The following LRBA variants were observed in gnomAD, a reference collection of about 807,000 sequenced individuals.
LRBA encodes the protein lipopolysaccharide-responsive and beige-like anchor protein.
LRBA carries 176 observed loss-of-function variants against 330.0 expected under a neutral mutation model. That is an observed-to-expected ratio of 0.53 (90% confidence interval 0.47 to 0.60). The LOEUF (loss-of-function observed/expected upper bound fraction) is 0.60, where lower values mean the gene tolerates loss of function less well. LRBA is among the 20% of genes least tolerant of loss of function. The pLI is 0.00. For missense variants in LRBA, 3,259 were observed against 3,444.8 expected, an observed-to-expected ratio of 0.95 and a Z score of 1.35; for synonymous variants, 1,230 against 1,193.0, an observed-to-expected ratio of 1.03 and a Z score of -0.64.
At chr4:150,505,393 G>A (rs558166979) in intron 40 of LRBA, among the ~76,000 whole-genome samples, 9 of 152,276 alleles carry the variant, frequency 5.9e-5, no homozygotes, top group African/African-American at 2.2e-4. Context: ...TCAGACCACA[G>A]TGCAATCAAA....
At chr4:150,693,904 T>G (rs1784380062) in intron 36 of LRBA, among the ~76,000 whole-genome samples, 1 of 152,146 alleles carries the variant, frequency 6.6e-6, no homozygotes, top group South Asian at 2.1e-4. Flanking sequence ...AAAAATAAAC[T>G]ACACACAATT....
chr4:150,897,398 T>C (rs1730207901), intron 15 of LRBA, among the ~76,000 whole-genome samples: 2 of 152,050 alleles, frequency 1.3e-5, no homozygotes, highest in African/African-American at 4.8e-5. Context: ...AATCTGAATG[T>C]CAGTTACAAG....
At chr4:150,701,389 A>G (rs1441469984) in intron 36 of LRBA, among the ~76,000 whole-genome samples, 1 of 152,226 alleles carries the variant, frequency 6.6e-6, no homozygotes, top group African/African-American at 2.4e-5. Context: ...GTCGTTTAAT[A>G]TCATTACCAA....
At chr4:150,582,897 G>GA (rs1223369816) in intron 40 of LRBA, 2 of 1,103,212 alleles carry the variant, frequency 1.8e-6, no homozygotes, top group African/African-American at 1.6e-5. Flanking sequence ...GGTGGAAAAC[G>GA]AGAGTGAAAG....
intron 13 of LRBA, 150 bp from the exon 14 acceptor site, chr4:150,900,367 T>A: frequency 2.0e-6 from 1 of 499,676 alleles, no homozygotes; most frequent in Non-Finnish European, 3.5e-6. Context: ...CAACACATAC[T>A]CACTGACACA....
Position 150,444,009 on chromosome 4 carries a change from G to A in LRBA, c.6781-7145C>T, listed in dbSNP as rs915918536. 2.7e-5 allele frequency among the ~76,000 whole-genome samples: 4 copies of A among 150,574 alleles called. No individual in the cohort carries two copies. The South Asian group carries it at 8.4e-4, about 32-fold the overall frequency. On this transcript the variant is annotated intron_variant, in intron 44 of 56. Coordinates refer to ENST00000651943, the MANE Select transcript of LRBA (RefSeq NM_001364905.1). ...CTTTCATGGGAGCTTTAGATTAAAT[G>A]CTCTTTTGAAAAAATACTATTAAAG...
chr4:150,444,753 G>T (rs910947363), intron 44 of LRBA, among the ~76,000 whole-genome samples: 1 of 152,050 alleles, frequency 6.6e-6, no homozygotes, highest in Non-Finnish European at 1.5e-5. Flanking sequence ...ACACCATTTC[G>T]ATTTAACAAA....
At position 150,870,522 on chromosome 4, in the gene LRBA, T is replaced by G; in HGVS notation, c.2449+3A>C. Reference sequence around the variant, plus strand: ...TTTTTGTTAAAGTATATAAAATACATACGAGGGTTTTGTATCTTCACTGAA... The same window carrying G: ...TTTTTGTTAAAGTATATAAAATACAGACGAGGGTTTTGTATCTTCACTGAA... On this transcript the variant is annotated splice_donor_region_variant and intron_variant, in intron 20 of 56. Coordinates refer to ENST00000651943, the MANE Select transcript of LRBA (RefSeq NM_001364905.1). 3 of 1,529,504 alleles carry G rather than the reference T, an allele frequency of 2.0e-6. No individual in the cohort carries two copies. The highest frequency in any genetic ancestry group is 2.7e-6 in the Non-Finnish European group (3 of 1,104,158). The allele number at this position is 1,529,504 out of a possible 1,614,324, so 94.7% of individuals were successfully genotyped here. A position where few individuals can be genotyped will look rare whatever the true frequency, so the allele number is the denominator to read the frequency against.
Position 150,287,325 on chromosome 4 carries a change from C to A in LRBA, c.8018-1291G>T, listed in dbSNP as rs1748261521. 2.0e-5 allele frequency among the ~76,000 whole-genome samples: 3 copies of A among 152,324 alleles called. No homozygotes were observed. In the South Asian group the frequency reaches 6.2e-4, roughly 32 times the overall value. On this transcript the variant is annotated intron_variant, in intron 53 of 56. Transcript: ENST00000651943. The stretch of plus-strand genomic sequence containing the variant: ...CCGGCTTCCAAAGCAAGGGTTCTTC[C>A]AGTAGGTCACTGGGTTATTTGAAAT...
intron 42 of LRBA, among the ~76,000 whole-genome samples, chr4:150,480,269 T>C (rs1474875858): frequency 6.6e-6 from 1 of 152,150 alleles, no homozygotes; most frequent in Non-Finnish European, 1.5e-5. Flanking sequence ...TATTTTGCCA[T>C]TTTAACATTT....
chr4:150,683,454 T>G, intron 37 of LRBA, 97 bp downstream of exon 37: 1 of 929,938 alleles, frequency 1.1e-6, no homozygotes, highest in African/African-American at 1.6e-5. Context: ...TAAATTACTC[T>G]CTTCTTCATC....
intron 40 of LRBA, among the ~76,000 whole-genome samples, chr4:150,525,243 A>T (rs4696475): frequency 0.6 from 91,364 of 151,762 alleles, 30,965 homozygotes; most frequent in Non-Finnish European, 0.75. Context: ...ATATTATTTT[A>T]TGCTGTTCCT....
At chr4:150,747,430 C>A (rs574937784) in intron 35 of LRBA, among the ~76,000 whole-genome samples, 2 of 152,280 alleles carry the variant, frequency 1.3e-5, no homozygotes, top group African/African-American at 4.8e-5. Flanking sequence ...TTTATCTTTA[C>A]ACAACCAAAG....
chr4:150,545,086 A>G (rs184776264), intron 40 of LRBA, among the ~76,000 whole-genome samples: 2 of 152,324 alleles, frequency 1.3e-5, no homozygotes, highest in Admixed American at 6.5e-5. Context: ...CACAAACCTT[A>G]AAGAGCTGGG....
chr4:150,701,059 T>C (rs1281957496), intron 36 of LRBA, among the ~76,000 whole-genome samples: 1 of 152,224 alleles, frequency 6.6e-6, no homozygotes, highest in Non-Finnish European at 1.5e-5. Flanking sequence ...AACCTTATTC[T>C]AGTTTCAAAT....
rs76162606 is a variant in LRBA, at chr4:150,635,356, T to A, written c.5922-36225A>T. 1.4e-3 allele frequency among the ~76,000 whole-genome samples: 220 copies of A among 152,346 alleles called. 3 individuals are homozygous for A. The East Asian group carries it at 0.038, about 26-fold the overall frequency. On this transcript the variant is annotated intron_variant, in intron 37 of 56. Transcript: ENST00000651943. ...TGTTTAATAACATTTCCATTTTGCTTACCCAAATATATGTTAATGTGTCCC... is the reference window on the plus strand; with the variant it reads ...TGTTTAATAACATTTCCATTTTGCTAACCCAAATATATGTTAATGTGTCCC...
At chr4:150,512,525 C>T (rs566031732) in intron 40 of LRBA, among the ~76,000 whole-genome samples, 3 of 152,148 alleles carry the variant, frequency 2.0e-5, no homozygotes, top group Admixed American at 2.0e-4. Context: ...AGCTCTCTAG[C>T]CCTCTTTCCA....
intron 47 of LRBA, among the ~76,000 whole-genome samples, chr4:150,396,473 TCTC>T (rs1159719129): frequency 3.2e-5 from 3 of 92,346 alleles, no homozygotes; most frequent in Non-Finnish European, 7.6e-5. Context: ...CCATAATAAA[TCTC>T]ATCTCACACA....
intron 36 of LRBA, among the ~76,000 whole-genome samples, chr4:150,724,461 C>T (rs1462113923): frequency 6.6e-6 from 1 of 152,132 alleles, no homozygotes; most frequent in Admixed American, 6.5e-5. Context: ...GGACAACAGT[C>T]ACAAACAAGC....
Sources: allele counts gnomAD v4.1 joint callset (sites outside exome capture counted in the v4.1 genomes callset), GRCh38; gene constraint gnomAD v4.1.1; transcripts MANE v1.5; gene names NCBI Gene and HGNC (gene_info 2026-07-23, HGNC 2026-07-21).